Variants in HSPA12A observed in about 807,000 individuals in gnomAD.
The protein encoded by HSPA12A is heat shock protein family A (Hsp70) member 12A, also known as heat shock 70 kDa protein 12A.
Under a neutral mutation model 69.2 loss-of-function variants are expected in HSPA12A, and 28 were observed. That is an observed-to-expected ratio of 0.40 (90% CI 0.30 to 0.55). The LOEUF is 0.55. Among genes scored for constraint, HSPA12A ranks in the 20% least tolerant of loss-of-function variants. The pLI is 0.38. For missense variants in HSPA12A, 686 were observed against 900.7 expected (o/e 0.76, Z 3.05); for synonymous variants, 345 against 370.5 (o/e 0.93, Z 0.79).
At chr10:116,726,633 C>CT (rs1202456947) in intron 1 of HSPA12A, among the ~76,000 whole-genome samples, 30 of 152,286 alleles carry the variant, frequency 2.0e-4, no homozygotes, top group African/African-American at 7.2e-4. Flanking sequence ...CAAGAGGGGG[C>CT]TGCCCCTCAA....
rs967652759 is a variant in HSPA12A, at chr10:116,671,662, C to T, written c.*3119G>A. 3 of 152,662 alleles carry T rather than the reference C, an allele frequency of 2.0e-5. No homozygotes were observed. The highest frequency in any genetic ancestry group is 2.9e-5 in the Non-Finnish European group (2 of 68,050). The allele number at this position is 152,662 out of a possible 1,614,324, so 9.5% of individuals were successfully genotyped here. A position where few individuals can be genotyped will look rare whatever the true frequency, so the allele number is the denominator to read the frequency against. On this transcript the variant is annotated 3_prime_UTR_variant, in exon 12 of 12. Transcript: ENST00000369209. The stretch of plus-strand genomic sequence containing the variant: ...TGCAAAAACAGTTGTATGGTTCCTC[C>T]TCTTTCCCCTCCTGTCTGTAACTTG...
chr10:116,842,514 GTAGTTATGT>G (rs2133223967), intron 1 of HSPA12A, among the ~76,000 whole-genome samples: 1 of 152,256 alleles, frequency 6.6e-6, no homozygotes, highest in East Asian at 1.9e-4. Context: ...TATTAGCCCT[GTAGTTATGT>G]TACAAAAATA....
chr10:116,745,472 C>T (rs1350538250), upstream of HSPA12A, among the ~76,000 whole-genome samples: 2 of 152,194 alleles, frequency 1.3e-5, no homozygotes, highest in African/African-American at 2.4e-5. Flanking sequence ...ATCTCTTCTC[C>T]ACCCTCCACA....
At chr10:116,813,862 C>A (rs1348698032) in intron 2 of HSPA12A, among the ~76,000 whole-genome samples, 1 of 151,974 alleles carries the variant, frequency 6.6e-6, no homozygotes, top group Non-Finnish European at 1.5e-5. Flanking sequence ...CCAGCCTGGG[C>A]AACAAAGTGA....
chr10:116,759,817 G>A (rs1029589822), intron 2 of HSPA12A, among the ~76,000 whole-genome samples: 3 of 152,064 alleles, frequency 2.0e-5, no homozygotes, highest in Admixed American at 1.3e-4. Flanking sequence ...TGAATCATGG[G>A]GCTGGGTCTT....
intron 1 of HSPA12A, among the ~76,000 whole-genome samples, chr10:116,845,492 ATCATGACTAG>A (rs1564838696): frequency 6.6e-6 from 1 of 152,108 alleles, no homozygotes; most frequent in Admixed American, 6.5e-5. Context: ...AATGTTAACA[ATCATGACTAG>A]ATCCTCTCTC....
At chr10:116,822,085 TG>T (rs1845416864) in intron 2 of HSPA12A, among the ~76,000 whole-genome samples, 1 of 152,262 alleles carries the variant, frequency 6.6e-6, no homozygotes, top group Non-Finnish European at 1.5e-5. Flanking sequence ...TATTTCACTT[TG>T]TGTAAAGTAA....
intron 2 of HSPA12A, among the ~76,000 whole-genome samples, chr10:116,755,441 G>A (rs781851348): frequency 1.3e-5 from 2 of 151,348 alleles, no homozygotes; most frequent in African/African-American, 2.4e-5. Context: ...GTGGAACTCC[G>A]TCTCTACTAA....
At chr10:116,847,171 C>T (rs566021501) in intron 1 of HSPA12A, among the ~76,000 whole-genome samples, 3 of 152,296 alleles carry the variant, frequency 2.0e-5, no homozygotes, top group Admixed American at 2.0e-4. Flanking sequence ...CGCACTGATC[C>T]TATTTCCGTT....
chr10:116,704,912 C>G (rs1010342548), intron 3 of HSPA12A, among the ~76,000 whole-genome samples: 1 of 152,232 alleles, frequency 6.6e-6, no homozygotes, highest in Non-Finnish European at 1.5e-5. Context: ...TTCAAACATA[C>G]TGCCCAGGCC....
intron 1 of HSPA12A, among the ~76,000 whole-genome samples, chr10:116,738,838 G>A (rs547381451): frequency 3.9e-5 from 6 of 152,238 alleles, no homozygotes; most frequent in Admixed American, 6.5e-5. Context: ...GGCCAAAGGC[G>A]ATCACAAGGC....
intron 2 of HSPA12A, among the ~76,000 whole-genome samples, chr10:116,818,901 C>G (rs559842219): frequency 6.6e-6 from 1 of 152,140 alleles, no homozygotes; most frequent in African/African-American, 2.4e-5. Flanking sequence ...GAGCAATCAT[C>G]GCACCTAAGG....
chr10:116,849,732 G>C (rs1374823946), exon 1 of HSPA12A: 1 of 1,520,106 alleles, frequency 6.6e-7, no homozygotes, highest in Non-Finnish European at 8.8e-7. Context: ...CGGGCACCTG[G>C]TAGGGACCTG....
chr10:116,788,255 G>C (rs566851624), intron 2 of HSPA12A, among the ~76,000 whole-genome samples: 2 of 152,198 alleles, frequency 1.3e-5, no homozygotes, highest in African/African-American at 4.8e-5. Context: ...TGGTGGTGGA[G>C]CTGGTGAACT....
At chr10:116,694,662 C>T (rs1034790524) in intron 5 of HSPA12A, among the ~76,000 whole-genome samples, 3 of 152,174 alleles carry the variant, frequency 2.0e-5, no homozygotes, top group Admixed American at 2.0e-4. Flanking sequence ...GGCTCCTCCT[C>T]CTAACTCAGG....
rs140667257 is a variant in HSPA12A at position 116,676,158 on chromosome 10, C to T, written c.1390+241G>A. 7.5e-3 allele frequency among the ~76,000 whole-genome samples: 1,148 copies of T among 152,324 alleles called. 11 individuals are homozygous for T. The highest frequency in any genetic ancestry group is 0.013 in the Non-Finnish European group (857 of 68,036). On this transcript the variant is annotated intron_variant, in intron 11 of 11. Transcript: ENST00000369209. ...CAGCTCTCTGACTTTTGAGGCCAAA[C>T]GGAAAGCTTGGGTGAGACAAGCTCT... is the stretch of plus-strand genomic sequence containing the variant.
At chr10:116,831,392 A>C (rs1289621832) in intron 2 of HSPA12A, 1 of 152,242 alleles carries the variant, frequency 6.6e-6, no homozygotes, top group Non-Finnish European at 1.5e-5. Flanking sequence ...TTCCAAGGAT[A>C]AGAAAGGTTT....
At chr10:116,850,503 TATA>T (rs1846046633), upstream of HSPA12A, among the ~76,000 whole-genome samples, 1 of 151,998 alleles carries the variant, frequency 6.6e-6, no homozygotes, top group Non-Finnish European at 1.5e-5. Flanking sequence ...CTTCCAGATC[TATA>T]AGTAGTAAGG....
At chr10:116,730,777 C>A (rs1226974517) in intron 1 of HSPA12A, among the ~76,000 whole-genome samples, 2 of 152,256 alleles carry the variant, frequency 1.3e-5, no homozygotes, top group East Asian at 1.9e-4. Flanking sequence ...TCAAAAATAT[C>A]TTGGAAAGCA....
Sources: gnomAD v4.1 joint callset for allele counts (sites outside exome capture counted in the v4.1 genomes callset) on GRCh38, gnomAD v4.1.1 for gene constraint, MANE v1.5 for transcripts, NCBI Gene and HGNC (gene_info 2026-07-23, HGNC 2026-07-21) for gene names.